The following SLIT3 variants were observed in gnomAD, a reference collection of about 807,000 sequenced individuals.
SLIT3 encodes the protein slit guidance ligand 3.
Under a neutral mutation model 184.0 loss-of-function variants are expected in SLIT3, and 68 were observed. That is an observed-to-expected ratio of 0.37 (90% confidence interval 0.30 to 0.45). SLIT3 has a LOEUF of 0.45. Among genes scored for constraint, SLIT3 ranks in the 20% least tolerant of loss-of-function variants. SLIT3 has a pLI of 1.00. For synonymous variants in SLIT3, 831 were observed against 828.6 expected, an observed-to-expected ratio of 1.00 and a Z score of -0.05; for missense variants, 1,707 against 2,026.0, an observed-to-expected ratio of 0.84 and a Z score of 3.02.
At chr5:168,878,470 G>A (rs1446089539) in intron 5 of SLIT3, among the ~76,000 whole-genome samples, 1 of 152,182 alleles carries the variant, frequency 6.6e-6, no homozygotes, top group Non-Finnish European at 1.5e-5. Context: ...GGTGAATAGG[G>A]ACTCTGCTCT....
At chr5:169,082,060 CTTA>C (rs1184122219) in intron 4 of SLIT3, among the ~76,000 whole-genome samples, 1 of 152,178 alleles carries the variant, frequency 6.6e-6, no homozygotes, top group East Asian at 1.9e-4. Flanking sequence ...TTCTGAGATC[CTTA>C]TTATTAGCAC....
chr5:169,268,947 GTTA>G (rs1431181766), intron 1 of SLIT3, among the ~76,000 whole-genome samples: 1 of 152,184 alleles, frequency 6.6e-6, no homozygotes. Flanking sequence ...ATCATCGTAT[GTTA>G]TTATGAAAGC....
intron 4 of SLIT3, among the ~76,000 whole-genome samples, chr5:168,988,592 AG>A (rs1449597999): frequency 6.6e-5 from 10 of 152,128 alleles, no homozygotes; most frequent in African/African-American, 2.4e-4. Flanking sequence ...ATAGCAAAAC[AG>A]GGCAGAACTC....
chr5:169,064,326 A>C (rs1482911851), intron 4 of SLIT3, among the ~76,000 whole-genome samples: 1 of 152,186 alleles, frequency 6.6e-6, no homozygotes, highest in African/African-American at 2.4e-5. Flanking sequence ...GGTGGTTGAA[A>C]TGGAAACTTG....
At chr5:168,703,314 A>G (rs1762274032) in intron 26 of SLIT3, among the ~76,000 whole-genome samples, 1 of 149,872 alleles carries the variant, frequency 6.7e-6, no homozygotes, top group Non-Finnish European at 1.5e-5. Flanking sequence ...GGCTTCCTTT[A>G]AAACAGGTGT....
chr5:168,747,667 G>A (rs1044110653), intron 20 of SLIT3, among the ~76,000 whole-genome samples: 16 of 152,168 alleles, frequency 1.1e-4, no homozygotes, highest in African/African-American at 3.6e-4. Flanking sequence ...CCTACAGGAA[G>A]AGGCTAACAC....
At chr5:169,011,370 TAG>T (rs1756145052) in intron 4 of SLIT3, among the ~76,000 whole-genome samples, 1 of 152,224 alleles carries the variant, frequency 6.6e-6, no homozygotes, top group African/African-American at 2.4e-5. Flanking sequence ...TTGTGGCTTC[TAG>T]GCAAAATTGT....
chr5:168,756,487 C>G (rs1195331972), intron 16 of SLIT3, among the ~76,000 whole-genome samples: 2 of 152,210 alleles, frequency 1.3e-5, no homozygotes, highest in Non-Finnish European at 2.9e-5. Flanking sequence ...TCTCTCCTTC[C>G]CATCCTGCCA....
intron 12 of SLIT3, among the ~76,000 whole-genome samples, chr5:168,784,711 C>T (rs944119213): frequency 9.2e-5 from 14 of 152,142 alleles, no homozygotes; most frequent in African/African-American, 3.4e-4. Flanking sequence ...CCTTGTTCCT[C>T]TCTCCTTCTT....
At chr5:169,061,118 C>G (rs1758160832) in intron 4 of SLIT3, among the ~76,000 whole-genome samples, 1 of 152,192 alleles carries the variant, frequency 6.6e-6, no homozygotes, top group Non-Finnish European at 1.5e-5. Context: ...TAGCACGGTT[C>G]TAGAATAAAT....
chr5:168,817,195 C>T lies in SLIT3; in HGVS notation c.793+105G>A, dbSNP rs1353071284. On this transcript the variant is annotated intron_variant, in intron 8 of 35. Coordinates refer to ENST00000519560, the MANE Select transcript of SLIT3 (RefSeq NM_003062.4). Reference sequence around the variant, plus strand: ...ACGACCTATGGGGTTCCTTCCACACCAAGCTCTGGGCTAGGGTATGTGTTC... The same window carrying T: ...ACGACCTATGGGGTTCCTTCCACACTAAGCTCTGGGCTAGGGTATGTGTTC... 11 of 1,067,482 alleles carry T rather than the reference C, an allele frequency of 1.0e-5. No homozygotes were observed. In the Admixed American group the frequency reaches 1.8e-4, roughly 17 times the overall value. 66.1% of individuals were successfully genotyped at this position (1,067,482 alleles called of 1,614,324 possible).
intron 14 of SLIT3, among the ~76,000 whole-genome samples, chr5:168,770,496 G>T (rs1265646992): frequency 1.3e-5 from 2 of 152,168 alleles, no homozygotes; most frequent in Non-Finnish European, 2.9e-5. Flanking sequence ...GGCCAAGGCA[G>T]GTCTGGAACC....
chr5:168,940,313 A>G (rs1295520939), intron 4 of SLIT3, among the ~76,000 whole-genome samples: 3 of 152,212 alleles, frequency 2.0e-5, no homozygotes, highest in Non-Finnish European at 2.9e-5. Flanking sequence ...TGAATGCCAG[A>G]TGTCACTAGT....
intron 20 of SLIT3, among the ~76,000 whole-genome samples, chr5:168,739,906 T>C (rs1763567947): frequency 6.6e-6 from 1 of 152,232 alleles, no homozygotes; most frequent in Non-Finnish European, 1.5e-5. Context: ...ACAATGAAAC[T>C]CTTCTCACCT....
At chr5:169,208,875 A>T (rs1182881377) in intron 3 of SLIT3, among the ~76,000 whole-genome samples, 1 of 152,154 alleles carries the variant, frequency 6.6e-6, no homozygotes, top group East Asian at 1.9e-4. Context: ...TAGGCAATAC[A>T]ATTCAGGAGA....
At chr5:168,756,340 A>T (rs914696866) in intron 16 of SLIT3, among the ~76,000 whole-genome samples, 6 of 152,210 alleles carry the variant, frequency 3.9e-5, no homozygotes. Flanking sequence ...TGGGGACTCA[A>T]TGCAGGCTGA....
At chr5:168,963,008 G>A (rs1174861980) in intron 4 of SLIT3, among the ~76,000 whole-genome samples, 1 of 152,160 alleles carries the variant, frequency 6.6e-6, no homozygotes, top group Non-Finnish European at 1.5e-5. Context: ...TTATGGCAAT[G>A]ATCATACATG....
chr5:169,046,136 C>A (rs899140894), intron 4 of SLIT3, among the ~76,000 whole-genome samples: 6 of 152,242 alleles, frequency 3.9e-5, no homozygotes, highest in Non-Finnish European at 5.9e-5. Flanking sequence ...CCCTACCCCC[C>A]AAAAGGTGCC....
intron 4 of SLIT3, among the ~76,000 whole-genome samples, chr5:168,897,001 G>A (rs1402851379): frequency 6.6e-6 from 1 of 152,202 alleles, no homozygotes; most frequent in East Asian, 1.9e-4. Flanking sequence ...GTGGGAATGG[G>A]AGGTTCATCT....
Sources: gnomAD v4.1 joint callset for allele counts (sites outside exome capture counted in the v4.1 genomes callset) on GRCh38, gnomAD v4.1.1 for gene constraint, MANE v1.5 for transcripts, NCBI Gene and HGNC (gene_info 2026-07-23, HGNC 2026-07-21) for gene names.